Variants in GALNT9 observed in about 807,000 individuals in gnomAD.
GALNT9 encodes the protein GalNAc transferase 9.
GALNT9 carries 47 observed loss-of-function variants against 63.1 expected under a neutral mutation model. The observed-to-expected ratio is 0.75, with a 90% CI of 0.59 to 0.95. GALNT9 has a LOEUF of 0.95. GALNT9 is among the 40% of genes least tolerant of loss of function. The pLI is 0.00. For missense variants in GALNT9, 829 were observed against 874.8 expected, an observed-to-expected ratio of 0.95 and a Z score of 0.66; for synonymous variants, 396 against 365.7, an observed-to-expected ratio of 1.08 and a Z score of -0.94.
At chr12:132,224,676 CCACACTA>C (rs1877577461) in intron 6 of GALNT9, among the ~76,000 whole-genome samples, 1 of 102,226 alleles carries the variant, frequency 9.8e-6, no homozygotes. Context: ...CCTATACACC[CCACACTA>C]CACACCCCAC....
intron 1 of GALNT9, among the ~76,000 whole-genome samples, chr12:132,307,050 C>T (rs937966700): frequency 6.6e-6 from 1 of 151,826 alleles, no homozygotes; most frequent in African/African-American, 2.4e-5. Context: ...GACCTGTGCC[C>T]GCTTCCCAGC....
intron 6 of GALNT9, among the ~76,000 whole-genome samples, chr12:132,219,371 G>A (rs182147585): frequency 7.2e-5 from 11 of 152,338 alleles, no homozygotes; most frequent in Admixed American, 5.2e-4. Flanking sequence ...AGTAACATTA[G>A]GAAACAAGGT....
intron 1 of GALNT9, among the ~76,000 whole-genome samples, chr12:132,322,040 A>G (rs1423160738): frequency 4.7e-5 from 7 of 147,414 alleles, no homozygotes; most frequent in African/African-American, 1.8e-4. Flanking sequence ...GAAGGGCCAC[A>G]GTCATTGGAT....
At chr12:132,305,635 A>ACCCGGACACGCCCTCG (rs1881578863) in intron 1 of GALNT9, among the ~76,000 whole-genome samples, 1 of 133,794 alleles carries the variant, frequency 7.5e-6, no homozygotes, top group Non-Finnish European at 1.6e-5. Context: ...GCACACCCTC[A>ACCCGGACACGCCCTCG]CCCGGACACG....
At chr12:132,326,586 C>T (rs1479862075) in intron 1 of GALNT9, among the ~76,000 whole-genome samples, 3 of 152,180 alleles carry the variant, frequency 2.0e-5, no homozygotes, top group Non-Finnish European at 2.9e-5. Context: ...CCCATGAAGA[C>T]GTGGACTTCC....
intron 6 of GALNT9, among the ~76,000 whole-genome samples, chr12:132,218,540 C>T (rs2135518517): frequency 6.6e-6 from 1 of 152,380 alleles, no homozygotes; most frequent in South Asian, 2.1e-4. Context: ...GTCCCTGCCC[C>T]TGGAGCCCAG....
At chr12:132,253,652 T>C (rs1555238788) in intron 5 of GALNT9, among the ~76,000 whole-genome samples, 1 of 152,268 alleles carries the variant, frequency 6.6e-6, no homozygotes, top group Non-Finnish European at 1.5e-5. Context: ...ATTCTAACTA[T>C]TTTCTTTATT....
intron 7 of GALNT9, 132 bp downstream of exon 7, chr12:132,203,373 T>C (rs1376531761): frequency 5.5e-6 from 4 of 722,312 alleles, no homozygotes; most frequent in Non-Finnish European, 9.0e-6. Flanking sequence ...TGCTTGCACC[T>C]GTGCACACCT....
intron 1 of GALNT9, among the ~76,000 whole-genome samples, chr12:132,303,929 A>G (rs368537044): frequency 1.1e-4 from 3 of 28,318 alleles, no homozygotes; most frequent in African/African-American, 1.4e-4. Context: ...CCTCGCCCAG[A>G]CACACCCTCG....
chr12:132,247,570 C>A (rs1423241797), intron 6 of GALNT9: 2 of 506,214 alleles, frequency 4.0e-6, no homozygotes, highest in Non-Finnish European at 7.7e-6. Context: ...TGTCCCTAGA[C>A]CATGGCTGCA....
intron 4 of GALNT9, among the ~76,000 whole-genome samples, chr12:132,260,435 C>T (rs1879332083): frequency 1.3e-5 from 2 of 152,214 alleles, no homozygotes; most frequent in South Asian, 4.1e-4. Context: ...CAAGGTGACC[C>T]CCTCAGCCCA....
intron 6 of GALNT9, among the ~76,000 whole-genome samples, chr12:132,226,820 TAA>T (rs1877711155): frequency 7.9e-6 from 1 of 125,808 alleles, no homozygotes; most frequent in African/African-American, 3.1e-5. Flanking sequence ...ACACATCCCA[TAA>T]ACACACCCCA....
At position 132,329,233 on chromosome 12, in the gene GALNT9, C is replaced by G; in HGVS notation, c.-30G>C. 6.5e-7 allele frequency: 1 copy of G among 1,528,942 alleles called. No homozygotes were observed. Among genetic ancestry groups the G allele is most frequent in the Non-Finnish European group, 8.8e-7 (1 of 1,132,138 alleles). The allele number at this position is 1,528,942 out of a possible 1,614,324, so 94.7% of individuals were successfully genotyped here. A position where few individuals can be genotyped will look rare whatever the true frequency, so the allele number is the denominator to read the frequency against. On this transcript the variant is annotated 5_prime_UTR_variant, in exon 1 of 11. Coordinates refer to ENST00000328957, the MANE Select transcript of GALNT9 (RefSeq NM_001122636.2). ...ACGGCTGCAGCGGGGGCCTCACCCGCGGGGCATCCCCAGCATCCCCGCCCG... is the reference window on the plus strand; with the variant it reads ...ACGGCTGCAGCGGGGGCCTCACCCGGGGGGCATCCCCAGCATCCCCGCCCG...
intron 5 of GALNT9, among the ~76,000 whole-genome samples, chr12:132,249,370 A>G (rs1174254765): frequency 6.6e-6 from 1 of 152,248 alleles, no homozygotes; most frequent in Non-Finnish European, 1.5e-5. Context: ...CATAATTTAA[A>G]GGAAGCAATT....
intron 2 of GALNT9, among the ~76,000 whole-genome samples, chr12:132,263,737 C>A (rs545271893): frequency 6.6e-6 from 1 of 152,356 alleles, no homozygotes; most frequent in Admixed American, 6.5e-5. Flanking sequence ...TTATAAACAT[C>A]TGTGTAATGA....
rs1360236064 is a variant in GALNT9 at position 132,246,069 on chromosome 12, C to T, written c.1077+1841G>A. On this transcript the variant is annotated intron_variant, in intron 6 of 10. Transcript: ENST00000328957. The surrounding 1 kb of genome is among the most constrained non-coding windows in gnomAD (Gnocchi z 4.7). ...AGGCCCCTGACTGCTGGCCTGGTCT[C>T]CTGCCCCACAGGGTGAGCATCAGGG... Among the ~76,000 whole-genome samples the T allele has an allele frequency of 6.6e-6, 1 of 152,252 alleles. No homozygotes were observed. Among genetic ancestry groups the T allele is most frequent in the East Asian group, 1.9e-4 (1 of 5,202 alleles).
intron 2 of GALNT9, among the ~76,000 whole-genome samples, chr12:132,268,996 A>G (rs968904587): frequency 6.6e-6 from 1 of 152,276 alleles, no homozygotes; most frequent in South Asian, 2.1e-4. Context: ...AAACGTGTGG[A>G]TATCTGAGCC....
rs1031845110 is a variant in GALNT9 at position 132,246,871 on chromosome 12, C to T, written c.1077+1039G>A. On this transcript the variant is annotated intron_variant, in intron 6 of 10. Transcript: ENST00000328957. The surrounding 1 kb of genome is among the most constrained non-coding windows in gnomAD (Gnocchi z 4.7). ...ATCTGCCCAACCTGAGTTAAACAAT[C>T]GCGGCCACGGGGAAGGAGGCCGTTT... is the stretch of plus-strand genomic sequence containing the variant. 5.9e-5 allele frequency among the ~76,000 whole-genome samples: 9 copies of T among 152,178 alleles called. No homozygotes were observed. The highest frequency in any genetic ancestry group is 2.2e-4 in the African/African-American group (9 of 41,434).
At chr12:132,324,247 C>T (rs1335509021) in intron 1 of GALNT9, among the ~76,000 whole-genome samples, 2 of 151,998 alleles carry the variant, frequency 1.3e-5, no homozygotes, top group African/African-American at 2.4e-5. Context: ...GTGCCGGAGC[C>T]GGCAGAGTGG....
Sources: gnomAD v4.1 joint callset for allele counts (sites outside exome capture counted in the v4.1 genomes callset) on GRCh38, gnomAD v4.1.1 for gene constraint, Gnocchi (gnomAD v3.1) non-coding constraint, MANE v1.5 for transcripts, NCBI Gene and HGNC (gene_info 2026-07-23, HGNC 2026-07-21) for gene names.